Variants in ZW10 observed in about 807,000 individuals in gnomAD.
The protein encoded by ZW10 is zw10 kinetochore protein, also known as centromere/kinetochore protein zw10 homolog.
A neutral mutation model predicts 87.8 loss-of-function variants in ZW10; 53 were observed. The ratio of observed to expected loss-of-function variants is 0.60; its 90% confidence interval spans 0.48 to 0.76. The LOEUF (loss-of-function observed/expected upper bound fraction) is 0.76, where lower values mean the gene tolerates loss of function less well. Ranked by LOEUF, ZW10 falls within the 30% of genes least tolerant of loss-of-function variation. ZW10 has a pLI of 0.00. For missense variants in ZW10, 837 were observed against 923.0 expected, an observed-to-expected ratio of 0.91 and a Z score of 1.21; for synonymous variants, 312 against 329.2, an observed-to-expected ratio of 0.95 and a Z score of 0.57.
In ZW10 at chr11:113,737,565, C is replaced by A. The variant is rs770717538; in HGVS notation, c.2016+7G>T. ...TCAAGGCTAGTGTAGCATCTAATGG[C>A]CCTTACCTCTAGGGCAGTAATTTTG... On this transcript the variant is annotated splice_region_variant and intron_variant, in intron 14 of 15. Transcript: ENST00000200135. The A allele has an allele frequency of 2.5e-6, 4 of 1,604,662 alleles. No homozygotes were observed. Among genetic ancestry groups the A allele is most frequent in the Admixed American group, 1.7e-5 (1 of 59,712 alleles).
At chr11:113,767,642 A>G (rs533870558) in intron 2 of ZW10, among the ~76,000 whole-genome samples, 24 of 152,264 alleles carry the variant, frequency 1.6e-4, no homozygotes, top group African/African-American at 5.3e-4. Context: ...TGCAAGCAGA[A>G]TAGGATTCCG....
Position 113,760,568 on chromosome 11 carries a change from T to C in ZW10, c.365A>G (p.Tyr122Cys), listed in dbSNP as rs1953846741. The C allele has an allele frequency of 6.2e-7, 1 of 1,613,318 alleles. No individual in the cohort carries two copies. The highest frequency in any genetic ancestry group is 1.1e-5 in the South Asian group (1 of 90,926). ...CTTCTTCTCTGTTAATGCACAATTA[T>C]ATTCTTCAATAGCAGTGGAAAACTG... Reference protein sequence around the residue: ...LQEFSTAIEEYNCALTEKKYV... With the variant: ...LQEFSTAIEECNCALTEKKYV... The change falls in exon 4 of 16, where the codon TAT (tyrosine) becomes TGT (cysteine). Residue 122 changes from tyrosine (Y) to cysteine (C), a missense_variant. Tyr to Cys is a radical substitution (Grantham distance 194). Transcript: ENST00000200135.
At chr11:113,765,433 T>G (rs967163933) in intron 2 of ZW10, among the ~76,000 whole-genome samples, 2 of 152,218 alleles carry the variant, frequency 1.3e-5, no homozygotes, top group Non-Finnish European at 2.9e-5. Flanking sequence ...AGAAGTAATG[T>G]GTACCACTTC....
intron 7 of ZW10, among the ~76,000 whole-genome samples, chr11:113,751,827 G>A (rs1304497670): frequency 6.6e-6 from 1 of 151,500 alleles, no homozygotes; most frequent in Non-Finnish European, 1.5e-5. Context: ...CTGAGATTGT[G>A]CCACTGCACT....
intron 15 of ZW10, among the ~76,000 whole-genome samples, chr11:113,736,410 G>A (rs1377249512): frequency 6.6e-6 from 1 of 152,160 alleles, no homozygotes; most frequent in Non-Finnish European, 1.5e-5. Context: ...AAATAATATG[G>A]ATGAGAAGTC....
At chr11:113,769,304 A>G (rs1465778578) in intron 1 of ZW10, among the ~76,000 whole-genome samples, 1 of 152,184 alleles carries the variant, frequency 6.6e-6, no homozygotes. Flanking sequence ...CAAGACTTGT[A>G]CAAATGCTGG....
Position 113,739,134 on chromosome 11 carries a change from C to G in ZW10, c.1753+79G>C, listed in dbSNP as rs992425036. The G allele has an allele frequency of 2.7e-6, 4 of 1,507,880 alleles. No homozygotes were observed. In the African/African-American group the frequency reaches 5.7e-5, roughly 21 times the overall value. The allele number at this position is 1,507,880 out of a possible 1,614,324, so 93.4% of individuals were successfully genotyped here. A position where few individuals can be genotyped will look rare whatever the true frequency, so the allele number is the denominator to read the frequency against. ...GGACCACCACCTAATTTCTAATTTT[C>G]TCATTCAAAAACTATAAAGATACTA... On this transcript the variant is annotated intron_variant, in intron 12 of 15. Coordinates refer to ENST00000200135, the MANE Select transcript of ZW10 (RefSeq NM_004724.4).
At position 113,754,154 on chromosome 11, in the gene ZW10, C is replaced by G. The variant is rs117800769; in HGVS notation, c.925+3508G>C. ...TGTTAGGGACTAATGCTGCTGGTGA[C>G]TTTAAGATGAAACCATGTTCATCAA... On this transcript the variant is annotated intron_variant, in intron 7 of 15. Coordinates refer to ENST00000200135, the MANE Select transcript of ZW10 (RefSeq NM_004724.4). Among the ~76,000 whole-genome samples, 334 of 152,238 alleles carry G rather than the reference C, an allele frequency of 2.2e-3. 1 individual carries two copies. Among genetic ancestry groups the G allele is most frequent in the Non-Finnish European group, 2.4e-3 (161 of 68,010 alleles).
intron 10 of ZW10, 80 bp downstream of exon 10, chr11:113,743,722 G>T: frequency 8.9e-7 from 1 of 1,122,498 alleles, no homozygotes; most frequent in Non-Finnish European, 1.3e-6. Flanking sequence ...AAGAATTCCA[G>T]CTAATTTTCC....
At position 113,760,466 on chromosome 11, in the gene ZW10, A is replaced by T. The variant is rs555865699; in HGVS notation, c.420+47T>A. The T allele has an allele frequency of 1.4e-5, 23 of 1,604,610 alleles. No individual in the cohort carries two copies. The African/African-American group carries it at 2.8e-4, about 20-fold the overall frequency. ...ATAAAAAATACAAAATTTACTGAAAACAAGAAGAGCACTTATTGCGCATGC... is the reference window on the plus strand; with the variant it reads ...ATAAAAAATACAAAATTTACTGAAATCAAGAAGAGCACTTATTGCGCATGC... On this transcript the variant is annotated intron_variant, in intron 4 of 15. Transcript: ENST00000200135.
chr11:113,733,902 T>C (rs1953520366), intron 15 of ZW10, 88 bp from the exon 16 acceptor site: 1 of 1,436,990 alleles, frequency 7.0e-7, no homozygotes, highest in East Asian at 2.4e-5. Flanking sequence ...TCCAAATGCT[T>C]ATTTGCTTGA....
intron 5 of ZW10, 93 bp downstream of exon 5, chr11:113,760,116 C>T: frequency 1.4e-6 from 2 of 1,400,454 alleles, no homozygotes; most frequent in Non-Finnish European, 1.9e-6. Flanking sequence ...ATGAATGAAC[C>T]CTCATCTACT....
chr11:113,771,165 G>T (rs1400942109), intron 1 of ZW10: 2 of 151,858 alleles, frequency 1.3e-5, no homozygotes, highest in Admixed American at 6.6e-5. Flanking sequence ...TAGTAGAGAA[G>T]AAGTTTCACC....
At chr11:113,758,450 T>C in intron 6 of ZW10, 104 bp downstream of exon 6, 1 of 1,110,430 alleles carries the variant, frequency 9.0e-7, no homozygotes, top group East Asian at 2.5e-5. Context: ...GGCCAGACCC[T>C]ATACTAATAC....
At chr11:113,744,686 A>G (rs2134873246) in intron 9 of ZW10, among the ~76,000 whole-genome samples, 1 of 152,078 alleles carries the variant, frequency 6.6e-6, no homozygotes, top group African/African-American at 2.4e-5. Context: ...CCTCCCATGT[A>G]GCTGGGACTA....
chr11:113,766,346 C>T (rs1953906730), intron 2 of ZW10, among the ~76,000 whole-genome samples: 2 of 151,884 alleles, frequency 1.3e-5, no homozygotes, highest in African/African-American at 4.8e-5. Flanking sequence ...GCCTAGGCAA[C>T]AGAGTGAAAC....
chr11:113,758,794 C>A, intron 5 of ZW10, 88 bp from the exon 6 acceptor site: 1 of 1,289,244 alleles, frequency 7.8e-7, no homozygotes, highest in Non-Finnish European at 1.1e-6. Context: ...CTGATATTTC[C>A]AATGCAGTTC....
Position 113,738,288 on chromosome 11 carries a change from A to C in ZW10, c.1860T>G (p.Ser620=), listed in dbSNP as rs746701728. 1 of 1,611,744 alleles carries C rather than the reference A, an allele frequency of 6.2e-7. No individual in the cohort carries two copies. Among genetic ancestry groups the C allele is most frequent in the Admixed American group, 1.7e-5 (1 of 59,622 alleles). ...CCTGCCGGACTGCTTTACTTGCTGC[A>C]GAATAATTCTCTTCATCGTCCATAT... The part of the protein sequence containing the change: ...FSNMDDEENY[S]AASKAVRQVL... Residue 620 remains serine (S), a synonymous_variant, in exon 13 of 16, where the codon TCT becomes TCG. Coordinates refer to ENST00000200135, the MANE Select transcript of ZW10 (RefSeq NM_004724.4).
chr11:113,760,709 G>T, intron 3 of ZW10, 108 bp downstream of exon 3: 14 of 897,724 alleles, frequency 1.6e-5, no homozygotes, highest in African/African-American at 2.4e-5. Context: ...AAAAAAGAAA[G>T]AAAAAAAAAT....
Sources: gnomAD v4.1 joint callset for allele counts (sites outside exome capture counted in the v4.1 genomes callset) on GRCh38, gnomAD v4.1.1 for gene constraint, MANE v1.5 for transcripts, NCBI Gene and HGNC (gene_info 2026-07-23, HGNC 2026-07-21) for gene names.